Variants in THSD7B observed in about 807,000 individuals in gnomAD.
The protein encoded by THSD7B is thrombospondin type-1 domain-containing protein 7B.
THSD7B carries 138 observed loss-of-function variants against 213.6 expected under a neutral mutation model. The observed-to-expected ratio is 0.65, with a 90% CI of 0.56 to 0.74. THSD7B has a LOEUF of 0.74. Among genes scored for constraint, THSD7B ranks in the 30% least tolerant of loss-of-function variants. THSD7B has a pLI of 0.00. For synonymous variants in THSD7B, 742 were observed against 687.0 expected (o/e 1.08, Z -1.25); for missense variants, 1,931 against 1,991.5 (o/e 0.97, Z 0.58).
At chr2:137,219,703 A>G (rs777979546) in intron 7 of THSD7B, among the ~76,000 whole-genome samples, 2 of 152,198 alleles carry the variant, frequency 1.3e-5, no homozygotes, top group African/African-American at 2.4e-5. Context: ...TAGACTAAAC[A>G]TCTTTCCCTT....
chr2:137,368,040 G>A (rs1685460608), intron 12 of THSD7B, among the ~76,000 whole-genome samples: 1 of 28,908 alleles, frequency 3.5e-5, no homozygotes, highest in Non-Finnish European at 3.7e-4. Context: ...CATGAGTTTT[G>A]TAGTTCAAGA....
At position 136,931,926 on chromosome 2, in the gene THSD7B, G is replaced by A. The variant is rs535911720; in HGVS notation, c.139+49609G>A. ...TTAGGCATTTTGCAAATCATTTAAT[G>A]TAGAAAGTAATAGTTCTGATATTAT... is the stretch of plus-strand genomic sequence containing the variant. On this transcript the variant is annotated intron_variant, in intron 2 of 27. Coordinates refer to ENST00000409968, the MANE Select transcript of THSD7B (RefSeq NM_001316349.2). Among the ~76,000 whole-genome samples the A allele has an allele frequency of 4.6e-5, 7 of 152,276 alleles. No individual in the cohort carries two copies. In the South Asian group the frequency reaches 1.4e-3, roughly 32 times the overall value.
chr2:136,800,022 T>C (rs769109870), intron 1 of THSD7B, among the ~76,000 whole-genome samples: 1 of 152,024 alleles, frequency 6.6e-6, no homozygotes, highest in Non-Finnish European at 1.5e-5. Flanking sequence ...GAGCTATGTG[T>C]TCACTCTAGG....
At chr2:136,956,013 C>T (rs950859030) in intron 2 of THSD7B, among the ~76,000 whole-genome samples, 1 of 136,398 alleles carries the variant, frequency 7.3e-6, no homozygotes, top group African/African-American at 2.7e-5. Context: ...TGGGCGAGAG[C>T]GAGACTCCGT....
In THSD7B at chr2:137,094,751, A is replaced by T. The variant is rs79690873; in HGVS notation, c.951-122A>T. The T allele has an allele frequency of 9.6e-3, 12,468 of 1,302,318 alleles. 138 individuals are homozygous for T. Among genetic ancestry groups the T allele is most frequent in the African/African-American group, 0.037 (2,527 of 67,628 alleles). The allele number at this position is 1,302,318 out of a possible 1,614,324, so 80.7% of individuals were successfully genotyped here. On this transcript the variant is annotated intron_variant, in intron 3 of 27. Transcript: ENST00000409968. ...TCATGATGTCTCTAAAATTTTTTAA[A>T]AATCTTCCTATTAAACGCTTAAATC... is the stretch of plus-strand genomic sequence containing the variant.
At chr2:137,671,205 T>C (rs987282253) in intron 27 of THSD7B, among the ~76,000 whole-genome samples, 35 of 150,594 alleles carry the variant, frequency 2.3e-4, no homozygotes, top group African/African-American at 6.8e-4. Flanking sequence ...ATGGCCATTT[T>C]ATTTGTGTTG....
intron 1 of THSD7B, among the ~76,000 whole-genome samples, chr2:136,810,818 AG>A (rs1180529815): frequency 1.3e-5 from 2 of 152,182 alleles, no homozygotes; most frequent in Non-Finnish European, 2.9e-5. Context: ...TGAAAGGTAA[AG>A]AAATAAAATG....
intron 13 of THSD7B, among the ~76,000 whole-genome samples, chr2:137,410,268 C>CA (rs1686622712): frequency 6.8e-6 from 1 of 146,534 alleles, no homozygotes; most frequent in African/African-American, 2.5e-5. Flanking sequence ...TGCAGAAATT[C>CA]TTTTTTTTTT....
rs1683637210 is a variant in THSD7B at position 136,882,199 on chromosome 2, A to G, written c.21A>G (p.Leu7=). 1 of 1,535,626 alleles carries G rather than the reference A, an allele frequency of 6.5e-7. No homozygotes were observed. The highest frequency in any genetic ancestry group is 8.8e-7 in the Non-Finnish European group (1 of 1,140,738). MFPKSN[L]TVTCWVWRSM... is the part of the protein sequence containing the mutation. ...GAAGCATGTTTCCAAAGAGCAACCTAACAGTCACTTGCTGGGTATGGAGGA... is the reference window on the plus strand; with the variant it reads ...GAAGCATGTTTCCAAAGAGCAACCTGACAGTCACTTGCTGGGTATGGAGGA... The change falls in exon 2 of 28, where the codon CTA becomes CTG. Residue 7 remains leucine (L), a synonymous_variant. Coordinates refer to ENST00000409968, the MANE Select transcript of THSD7B (RefSeq NM_001316349.2).
chr2:137,157,367 C>T (rs535267090), intron 5 of THSD7B, among the ~76,000 whole-genome samples: 1 of 152,126 alleles, frequency 6.6e-6, no homozygotes. Context: ...GGGTTTTATA[C>T]CTTGGGGGAT....
chr2:137,170,959 A>G (rs1232257714), intron 7 of THSD7B, 21 bp downstream of exon 7: 7 of 1,610,422 alleles, frequency 4.3e-6, no homozygotes, highest in African/African-American at 2.7e-5. Context: ...GTGACCCACT[A>G]GAGGTGTTAG....
intron 15 of THSD7B, 57 bp from the exon 16 acceptor site, chr2:137,563,164 A>C: frequency 6.4e-7 from 1 of 1,570,918 alleles, no homozygotes; most frequent in East Asian, 2.3e-5. Flanking sequence ...AAGATAGGCT[A>C]TTTTTCTATA....
At chr2:136,927,743 A>T (rs981702515) in intron 2 of THSD7B, among the ~76,000 whole-genome samples, 2 of 152,232 alleles carry the variant, frequency 1.3e-5, no homozygotes, top group African/African-American at 2.4e-5. Flanking sequence ...GATGACAGAC[A>T]TTGATAGGGC....
At chr2:137,468,549 A>G (rs1573642990) in intron 15 of THSD7B, among the ~76,000 whole-genome samples, 1 of 142,468 alleles carries the variant, frequency 7.0e-6, no homozygotes, top group South Asian at 2.2e-4. Context: ...CACATGAGGG[A>G]AAGTCTGTGT....
chr2:137,026,680 C>T (rs745591746), intron 2 of THSD7B, among the ~76,000 whole-genome samples: 6 of 152,132 alleles, frequency 3.9e-5, no homozygotes, highest in Non-Finnish European at 7.3e-5. Flanking sequence ...CACCCTTAGC[C>T]TTATTAAGGC....
intron 3 of THSD7B, among the ~76,000 whole-genome samples, chr2:137,087,389 G>A (rs1162289851): frequency 2.0e-5 from 3 of 152,144 alleles, no homozygotes; most frequent in Non-Finnish European, 4.4e-5. Context: ...ATTTGCCGAT[G>A]ACATGATCGT....
intron 7 of THSD7B, among the ~76,000 whole-genome samples, chr2:137,207,665 A>C (rs573499728): frequency 6.6e-6 from 1 of 152,174 alleles, no homozygotes; most frequent in East Asian, 1.9e-4. Context: ...AGGTATTGGT[A>C]GACATTTGGA....
Position 137,139,494 on chromosome 2 carries a change from A to G in THSD7B, c.1370-20719A>G, listed in dbSNP as rs1679539437. Among the ~76,000 whole-genome samples, 6 of 152,218 alleles carry G rather than the reference A, an allele frequency of 3.9e-5. No individual in the cohort carries two copies. In the South Asian group the frequency reaches 1.2e-3, roughly 31 times the overall value. ...TGCTTCGGTGGAACCCCGAGGTAAT[A>G]TGCTGCAATGTGGCCCAGGAGGCTG... On this transcript the variant is annotated intron_variant, in intron 5 of 27. Transcript: ENST00000409968.
At chr2:136,906,959 T>C (rs1197954746) in intron 2 of THSD7B, among the ~76,000 whole-genome samples, 1 of 138,346 alleles carries the variant, frequency 7.2e-6, no homozygotes, top group Non-Finnish European at 1.5e-5. Flanking sequence ...TTTTTTTTTT[T>C]TTTTTTAGAG....
Sources: gnomAD v4.1 joint callset for allele counts (sites outside exome capture counted in the v4.1 genomes callset) on GRCh38, gnomAD v4.1.1 for gene constraint, MANE v1.5 for transcripts, NCBI Gene and HGNC (gene_info 2026-07-23, HGNC 2026-07-21) for gene names.